Variants in PHF14 observed in about 807,000 individuals in gnomAD.
PHF14 encodes the protein PHD finger protein 14.
PHF14 carries 55 observed loss-of-function variants against 117.9 expected under a neutral mutation model. The observed-to-expected ratio is 0.47, with a 90% CI of 0.38 to 0.58. PHF14 has a LOEUF of 0.58. Among genes scored for constraint, PHF14 ranks in the 20% least tolerant of loss-of-function variants. The pLI, the probability that PHF14 is intolerant of heterozygous loss-of-function variation, is 0.00. For missense variants in PHF14, 978 were observed against 1,122.2 expected (o/e 0.87, Z 1.84); for synonymous variants, 409 against 368.6 (o/e 1.11, Z -1.26).
intron 4 of PHF14, chr7:11,006,746 C>T: frequency 1.4e-6 from 1 of 691,072 alleles, no homozygotes; most frequent in South Asian, 1.4e-5. Context: ...AGGTGGGTGA[C>T]ATGCGGATCT....
intron 17 of PHF14, among the ~76,000 whole-genome samples, chr7:11,146,951 ACT>A (rs921128961): frequency 6.6e-6 from 1 of 151,842 alleles, no homozygotes; most frequent in East Asian, 1.9e-4. Flanking sequence ...GGCTCAAGCA[ACT>A]CTCCCTTCTC....
chr7:11,072,330 A>T (rs997411179), intron 16 of PHF14, among the ~76,000 whole-genome samples: 5 of 152,176 alleles, frequency 3.3e-5, no homozygotes, highest in African/African-American at 1.2e-4. Context: ...GGTATAAACC[A>T]TTCATGAGAA....
chr7:11,060,188 T>C (rs1355939295), intron 14 of PHF14, among the ~76,000 whole-genome samples: 1 of 152,206 alleles, frequency 6.6e-6, no homozygotes, highest in Non-Finnish European at 1.5e-5. Flanking sequence ...GTCAGTCAGA[T>C]CTTTTAGTTT....
intron 17 of PHF14, among the ~76,000 whole-genome samples, chr7:11,150,749 T>C (rs1004496167): frequency 2.0e-5 from 3 of 152,186 alleles, no homozygotes; most frequent in South Asian, 4.1e-4. Flanking sequence ...GTGTGAAATA[T>C]GTAACAAATT....
chr7:11,016,103 T>G lies in PHF14; in HGVS notation c.1205+2197T>G, dbSNP rs527645732. The stretch of plus-strand genomic sequence containing the variant: ...CCATTTAGGTTTACTGAGGGATTTT[T>G]TTTTGGATACTGTGGACGTTACATA... On this transcript the variant is annotated intron_variant, in intron 5 of 17. Transcript: ENST00000634607. 3.3e-5 allele frequency among the ~76,000 whole-genome samples: 5 copies of G among 152,280 alleles called. No homozygotes were observed. In the South Asian group the frequency reaches 8.3e-4, roughly 25 times the overall value.
intron 17 of PHF14, among the ~76,000 whole-genome samples, chr7:11,162,250 A>G (rs368371971): frequency 3.0e-3 from 450 of 151,428 alleles, no homozygotes; most frequent in African/African-American, 0.01. Context: ...CACCATACCC[A>G]GCTAATTTTT....
chr7:11,168,753 G>T (rs1179389001), intron 17 of PHF14, among the ~76,000 whole-genome samples: 1 of 152,106 alleles, frequency 6.6e-6, no homozygotes, highest in Non-Finnish European at 1.5e-5. Context: ...TATTTTTCCA[G>T]ACTCTCATTG....
chr7:11,007,552 A>G (rs551079807), intron 4 of PHF14, among the ~76,000 whole-genome samples: 1 of 152,292 alleles, frequency 6.6e-6, no homozygotes, highest in East Asian at 1.9e-4. Flanking sequence ...GTTTTTAAAT[A>G]TGGTTGCTTA....
chr7:10,986,735 C>T (rs768833963), intron 3 of PHF14, among the ~76,000 whole-genome samples: 2 of 152,084 alleles, frequency 1.3e-5, no homozygotes, highest in Non-Finnish European at 2.9e-5. Flanking sequence ...CTTTAGTTTT[C>T]TGAGGTAAGT....
At chr7:11,105,020 T>C in intron 16 of PHF14, 1 of 900,118 alleles carries the variant, frequency 1.1e-6, no homozygotes, top group South Asian at 5.1e-5. Context: ...TTTTTAATTT[T>C]ATAAAATTTA....
chr7:10,997,018 G>A (rs1030103311), intron 4 of PHF14, among the ~76,000 whole-genome samples: 5 of 152,252 alleles, frequency 3.3e-5, no homozygotes, highest in African/African-American at 9.6e-5. Context: ...TCTAAGTGTC[G>A]CATATATGTT....
chr7:10,983,387 G>A lies in PHF14; in HGVS notation c.900+228G>A, dbSNP rs1232238163. Among the ~76,000 whole-genome samples the A allele has an allele frequency of 2.6e-5, 4 of 152,220 alleles. No individual in the cohort carries two copies. The East Asian group carries it at 7.7e-4, about 29-fold the overall frequency. ...AGCTCACAATCTCTGTCCTCAAGGAGAAATATTTAGAGAAATATTTTTATA... is the reference window on the plus strand; with the variant it reads ...AGCTCACAATCTCTGTCCTCAAGGAAAAATATTTAGAGAAATATTTTTATA... On this transcript the variant is annotated intron_variant, in intron 3 of 17. Coordinates refer to ENST00000634607, the MANE Select transcript of PHF14 (RefSeq NM_001007157.2).
chr7:11,154,027 C>T (rs1465210875), intron 17 of PHF14, among the ~76,000 whole-genome samples: 2 of 151,872 alleles, frequency 1.3e-5, no homozygotes, highest in East Asian at 3.9e-4. Flanking sequence ...CCATACATGT[C>T]TTATCCAGAA....
intron 17 of PHF14, among the ~76,000 whole-genome samples, chr7:11,135,314 A>C (rs1219682181): frequency 6.6e-6 from 1 of 152,064 alleles, no homozygotes; most frequent in Non-Finnish European, 1.5e-5. Flanking sequence ...ATGACAGTGA[A>C]CCTGACCAAT....
intron 16 of PHF14, among the ~76,000 whole-genome samples, chr7:11,080,458 G>T (rs1198275656): frequency 3.9e-5 from 6 of 152,188 alleles, no homozygotes; most frequent in Non-Finnish European, 8.8e-5. Context: ...TTCTCAGTCA[G>T]TATGGCATCA....
intron 17 of PHF14, among the ~76,000 whole-genome samples, chr7:11,159,614 T>C (rs1427055489): frequency 1.3e-5 from 2 of 152,130 alleles, no homozygotes; most frequent in South Asian, 2.1e-4. Flanking sequence ...TTCTTGACTT[T>C]ATCAATGTGG....
At chr7:11,020,603 T>C (rs141345369) in intron 5 of PHF14, among the ~76,000 whole-genome samples, 1,998 of 152,222 alleles carry the variant, frequency 0.013, 45 homozygotes, top group African/African-American at 0.046. Flanking sequence ...GGTCTCAAAC[T>C]CCTGAGCTTA....
chr7:11,024,213 G>C (rs1027100286), intron 6 of PHF14, among the ~76,000 whole-genome samples: 3 of 152,192 alleles, frequency 2.0e-5, no homozygotes, highest in Admixed American at 1.3e-4. Flanking sequence ...TATTGTGAAG[G>C]CTGAGAGAGG....
At chr7:11,103,699 T>C in intron 16 of PHF14, 1 of 984,022 alleles carries the variant, frequency 1.0e-6, no homozygotes, top group Non-Finnish European at 1.2e-6. Context: ...ACTTTAGGAA[T>C]AGAGTAGGTA....
Sources: gnomAD v4.1 joint callset for allele counts (sites outside exome capture counted in the v4.1 genomes callset) on GRCh38, gnomAD v4.1.1 for gene constraint, MANE v1.5 for transcripts, NCBI Gene and HGNC (gene_info 2026-07-23, HGNC 2026-07-21) for gene names.